The following RNF39 variants were observed in gnomAD, a reference collection of about 807,000 sequenced individuals.
The protein encoded by RNF39 is LTP (long-term potentiation) induced RING finger protein.
A neutral mutation model predicts 29.2 loss-of-function variants in RNF39; 25 were observed. That is an observed-to-expected ratio of 0.86 (90% confidence interval 0.62 to 1.20). RNF39 has a LOEUF of 1.20. Among genes scored for constraint, RNF39 ranks in the 50% most tolerant of loss-of-function variants. The pLI is 0.00. For synonymous variants in RNF39, 219 were observed against 229.0 expected (o/e 0.96, Z 0.40); for missense variants, 519 against 515.0 (o/e 1.01, Z -0.08).
chr6:30,071,431 C>T lies in RNF39; in HGVS notation c.739G>A (p.Ala247Thr). Residue 247 changes from alanine (A) to threonine (T), a missense_variant, in exon 4 of 4, where the codon GCG becomes ACG. Transcript: ENST00000244360. This position sits in a 1 kb window ranked among gnomAD's most constrained non-coding sequence, Gnocchi z 5.0. ...DDEESHYAVG[A>T]AGESVQRKGC... ...TTGCGTTGCACTGATTCCCCGGCCGCGCCCACTGCATAGTGGCTCTCCTCG... is the reference window on the plus strand; with the variant it reads ...TTGCGTTGCACTGATTCCCCGGCCGTGCCCACTGCATAGTGGCTCTCCTCG... The T allele has an allele frequency of 1.3e-6, 2 of 1,508,984 alleles. No individual in the cohort carries two copies. Among genetic ancestry groups the T allele is most frequent in the Non-Finnish European group, 8.8e-7 (1 of 1,138,394 alleles). The allele number at this position is 1,508,984 out of a possible 1,614,324, so 93.5% of individuals were successfully genotyped here.
chr6:30,073,876 C>A (rs1256157772), intron 1 of RNF39, among the ~76,000 whole-genome samples: 1 of 152,318 alleles, frequency 6.6e-6, no homozygotes, highest in South Asian at 2.1e-4. Context: ...TATCTACCTT[C>A]CCCAGTGCAT....
At position 30,075,442 on chromosome 6, in the gene RNF39, C is replaced by A; in HGVS notation, c.144G>T (p.Trp48Cys). ...SFCRACLARRWGTPPATGTEA... is the reference protein window; with the variant it reads ...SFCRACLARRCGTPPATGTEA... Reference sequence around the variant, plus strand: ...CGGTGCCGGTCGCCGGCGGAGTCCCCCAGCGGCGGGCCAGACACGCGCGGC... The same window carrying A: ...CGGTGCCGGTCGCCGGCGGAGTCCCACAGCGGCGGGCCAGACACGCGCGGC... The change falls in exon 1 of 4, where the codon TGG (tryptophan) becomes TGT (cysteine). Residue 48 changes from tryptophan (W) to cysteine (C), a missense_variant. Coordinates refer to ENST00000244360, the MANE Select transcript of RNF39 (RefSeq NM_025236.4). 1 of 1,553,780 alleles carries A rather than the reference C, an allele frequency of 6.4e-7. No homozygotes were observed. The highest frequency in any genetic ancestry group is 8.7e-7 in the Non-Finnish European group (1 of 1,152,164).
rs771108850 is a variant in RNF39, at chr6:30,071,384, A to C, written c.786T>G (p.Pro262=). 2 of 1,472,286 alleles carry C rather than the reference A, an allele frequency of 1.4e-6. No individual in the cohort carries two copies. Among genetic ancestry groups the C allele is most frequent in the African/African-American group, 2.9e-5 (2 of 68,308 alleles). 91.2% of individuals were successfully genotyped at this position (1,472,286 alleles called of 1,614,324 possible). A position where few individuals can be genotyped will look rare whatever the true frequency, so the allele number is the denominator to read the frequency against. ...VQRKGCVRLC[P]AGAVWAVEGR... ...CCTCCACGGCCCACACGGCCCCCGC[A>C]GGGCACAGCCTTACGCAGCCCTTGC... Residue 262 remains proline (P), a synonymous_variant, in exon 4 of 4, where the codon CCT becomes CCG. Transcript: ENST00000244360. The surrounding 1 kb of genome is among the most constrained non-coding windows in gnomAD (Gnocchi z 5.0).
In RNF39 at chr6:30,075,608, G is replaced by A. The variant is rs1766377586; in HGVS notation, c.-23C>T. The A allele has an allele frequency of 6.3e-7, 1 of 1,599,696 alleles. No individual in the cohort carries two copies. The highest frequency in any genetic ancestry group is 1.4e-5 in the African/African-American group (1 of 72,000). ...CATGGAAAGCCAGGATCTGGACGCC[G>A]CCCCTTCCGCGACCACCGTGACCGC... On this transcript the variant is annotated 5_prime_UTR_variant, in exon 1 of 4. Transcript: ENST00000244360.
chr6:30,075,576 G>A lies in RNF39; in HGVS notation c.10C>T (p.Pro4Ser), dbSNP rs780946687. 5 of 1,607,504 alleles carry A rather than the reference G, an allele frequency of 3.1e-6. No individual in the cohort carries two copies. The highest frequency in any genetic ancestry group is 3.3e-5 in the Admixed American group (2 of 59,892). The change falls in exon 1 of 4, where the codon CCC becomes TCC. Residue 4 changes from proline (P) to serine (S), a missense_variant. Pro to Ser is a moderately conservative substitution (Grantham distance 74). Transcript: ENST00000244360. The stretch of plus-strand genomic sequence containing the variant: ...TCCACCAGCCCCGGGCCCAGCTCGG[G>A]CGCATCCATGGAAAGCCAGGATCTG... MDA[P>S]ELGPGLVERL... is the part of the protein sequence containing the mutation.
At position 30,074,291 on chromosome 6, in the gene RNF39, C is replaced by T; in HGVS notation, c.364-813G>A. On this transcript the variant is annotated intron_variant, in intron 1 of 3. Coordinates refer to ENST00000244360, the MANE Select transcript of RNF39 (RefSeq NM_025236.4). The surrounding 1 kb of genome is among the most constrained non-coding windows in gnomAD (Gnocchi z 4.1). The stretch of plus-strand genomic sequence containing the variant: ...TTCAGACTAATTAGGTCTATGAAGA[C>T]TTCAAAGGGCAGAAGCAAGACCCAA... Among the ~76,000 whole-genome samples, 1 of 152,194 alleles carries T rather than the reference C, an allele frequency of 6.6e-6. No individual in the cohort carries two copies. The highest frequency in any genetic ancestry group is 1.9e-4 in the East Asian group (1 of 5,184).
In RNF39 at chr6:30,071,543, C is replaced by T. The variant is rs1765976058; in HGVS notation, c.627G>A (p.Gln209=). The T allele has an allele frequency of 6.6e-7, 1 of 1,521,810 alleles. No homozygotes were observed. The highest frequency in any genetic ancestry group is 2.1e-5 in the Admixed American group (1 of 48,456). 94.3% of individuals were successfully genotyped at this position (1,521,810 alleles called of 1,614,324 possible). A position where few individuals can be genotyped will look rare whatever the true frequency, so the allele number is the denominator to read the frequency against. The part of the protein sequence containing the change: ...FDQLPAVLGA[Q]GFGAGRHCWE... ...AGCAGTGGCGGCCGGCCCCGAAGCC[C>T]TGCGCACCCAGCACAGCTGGGAGCT... The change falls in exon 4 of 4, where the codon CAG becomes CAA. Residue 209 remains glutamine (Q), a synonymous_variant. Transcript: ENST00000244360. The surrounding 1 kb of genome is among the most constrained non-coding windows in gnomAD (Gnocchi z 5.0).
At position 30,071,174 on chromosome 6, in the gene RNF39, G is replaced by C; in HGVS notation, c.996C>G (p.Ile332Met). The C allele has an allele frequency of 1.3e-6, 2 of 1,526,412 alleles. No homozygotes were observed. The highest frequency in any genetic ancestry group is 1.4e-5 in the African/African-American group (1 of 72,304). 94.6% of individuals were successfully genotyped at this position (1,526,412 alleles called of 1,614,324 possible). ...GGTCGCAGGTGCAGAACAGCGGGAA[G>C]ATGCGCTCCCCCAGGGGGCCAGGCG... is the stretch of plus-strand genomic sequence containing the variant. Reference protein sequence around the residue: ...FQAPGPLGERIFPLFCTCDPR... With the variant: ...FQAPGPLGERMFPLFCTCDPR... The change falls in exon 4 of 4, where the codon ATC becomes ATG. Residue 332 changes from isoleucine to methionine, a missense_variant. Coordinates refer to ENST00000244360, the MANE Select transcript of RNF39 (RefSeq NM_025236.4). The surrounding 1 kb of genome is among the most constrained non-coding windows in gnomAD (Gnocchi z 5.0).
chr6:30,071,785 A>C lies in RNF39; in HGVS notation c.479-94T>G, dbSNP rs1315749335. 2.7e-6 allele frequency: 3 copies of C among 1,110,132 alleles called. No homozygotes were observed. Among genetic ancestry groups the C allele is most frequent in the Non-Finnish European group, 3.6e-6 (3 of 828,812 alleles). 68.8% of individuals were successfully genotyped at this position (1,110,132 alleles called of 1,614,324 possible). A position where few individuals can be genotyped will look rare whatever the true frequency, so the allele number is the denominator to read the frequency against. On this transcript the variant is annotated intron_variant, in intron 3 of 3. Transcript: ENST00000244360. This position sits in a 1 kb window ranked among gnomAD's most constrained non-coding sequence, Gnocchi z 5.0. ...AGAATAGTCAACGAAGATCACGTAA[A>C]AGACTGAGAGCTAGTGACCACACAA...
In RNF39 at chr6:30,071,521, A is replaced by C; in HGVS notation, c.649T>G (p.Cys217Gly). ...GCGTCCGCAGTCTCCACCTCCCAGC[A>C]GTGGCGGCCGGCCCCGAAGCCCTGC... ...GAQGFGAGRHCWEVETADAAS... is the reference protein window; with the variant it reads ...GAQGFGAGRHGWEVETADAAS... The change falls in exon 4 of 4, where the codon TGC (cysteine) becomes GGC (glycine). Residue 217 changes from cysteine (C) to glycine (G), a missense_variant. Coordinates refer to ENST00000244360, the MANE Select transcript of RNF39 (RefSeq NM_025236.4). The surrounding 1 kb of genome is among the most constrained non-coding windows in gnomAD (Gnocchi z 5.0). 1.3e-6 allele frequency: 2 copies of C among 1,534,860 alleles called. No homozygotes were observed. Among genetic ancestry groups the C allele is most frequent in the South Asian group, 2.4e-5 (2 of 83,248 alleles).
In RNF39 at chr6:30,075,598, T is replaced by C. The variant is rs1395970269; in HGVS notation, c.-13A>G. The C allele has an allele frequency of 6.8e-6, 11 of 1,608,540 alleles. No homozygotes were observed. Among genetic ancestry groups the C allele is most frequent in the Non-Finnish European group, 9.3e-6 (11 of 1,179,838 alleles). On this transcript the variant is annotated 5_prime_UTR_variant, in exon 1 of 4. Transcript: ENST00000244360. Reference sequence around the variant, plus strand: ...CGGGCGCATCCATGGAAAGCCAGGATCTGGACGCCGCCCCTTCCGCGACCA... The same window carrying C: ...CGGGCGCATCCATGGAAAGCCAGGACCTGGACGCCGCCCCTTCCGCGACCA...
In RNF39 at chr6:30,071,600, G is replaced by C; in HGVS notation, c.570C>G (p.Pro190=). 2.7e-6 allele frequency: 4 copies of C among 1,465,098 alleles called. No individual in the cohort carries two copies. The South Asian group carries it at 5.4e-5, about 20-fold the overall frequency. 90.8% of individuals were successfully genotyped at this position (1,465,098 alleles called of 1,614,324 possible). A position where few individuals can be genotyped will look rare whatever the true frequency, so the allele number is the denominator to read the frequency against. The part of the protein sequence containing the change: ...RSVQLAPPGT[P]APPDGPKRFD... ...AGCGCTTGGGGCCGTCAGGGGGCGCGGGCGTCCCTGGTGGGGCCAGTTGTA... is the reference window on the plus strand; with the variant it reads ...AGCGCTTGGGGCCGTCAGGGGGCGCCGGCGTCCCTGGTGGGGCCAGTTGTA... The change falls in exon 4 of 4, where the codon CCC becomes CCG. Residue 190 remains proline, a synonymous_variant. Transcript: ENST00000244360. The surrounding 1 kb of genome is among the most constrained non-coding windows in gnomAD (Gnocchi z 5.0).
Position 30,071,490 on chromosome 6 carries a change from G to A in RNF39, c.680C>T (p.Ser227Phe), listed in dbSNP as rs1291537691. The A allele has an allele frequency of 2.6e-6, 4 of 1,557,332 alleles. No individual in the cohort carries two copies. The highest frequency in any genetic ancestry group is 2.4e-5 in the East Asian group (1 of 41,336). Reference sequence around the variant, plus strand: ...ATCCTCCCCAGAAGAGTCTCTGCAGGAGGCGGCGTCCGCAGTCTCCACCTC... The same window carrying A: ...ATCCTCCCCAGAAGAGTCTCTGCAGAAGGCGGCGTCCGCAGTCTCCACCTC... Reference protein sequence around the residue: ...CWEVETADAASCRDSSGEDAD... With the variant: ...CWEVETADAAFCRDSSGEDAD... The change falls in exon 4 of 4, where the codon TCC becomes TTC. Residue 227 changes from serine to phenylalanine, a missense_variant. Transcript: ENST00000244360. The surrounding 1 kb of genome is among the most constrained non-coding windows in gnomAD (Gnocchi z 5.0).
In RNF39 at chr6:30,071,415, A is replaced by G; in HGVS notation, c.755T>C (p.Val252Ala). 1.3e-6 allele frequency: 2 copies of G among 1,498,606 alleles called. No individual in the cohort carries two copies. Among genetic ancestry groups the G allele is most frequent in the Non-Finnish European group, 1.8e-6 (2 of 1,132,956 alleles). 92.8% of individuals were successfully genotyped at this position (1,498,606 alleles called of 1,614,324 possible). A position where few individuals can be genotyped will look rare whatever the true frequency, so the allele number is the denominator to read the frequency against. ...CAGCCTTACGCAGCCCTTGCGTTGC[A>G]CTGATTCCCCGGCCGCGCCCACTGC... ...HYAVGAAGES[V>A]QRKGCVRLCP... Residue 252 changes from valine to alanine, a missense_variant, in exon 4 of 4, where the codon GTG becomes GCG. Physicochemically the swap from Val to Ala is moderately conservative, Grantham distance 64 (BLOSUM62 0). Coordinates refer to ENST00000244360, the MANE Select transcript of RNF39 (RefSeq NM_025236.4). The surrounding 1 kb of genome is among the most constrained non-coding windows in gnomAD (Gnocchi z 5.0).
Position 30,071,580 on chromosome 6 carries a change from T to C in RNF39, c.590A>G (p.Lys197Arg), listed in dbSNP as rs1259466938. 2 of 1,479,308 alleles carry C rather than the reference T, an allele frequency of 1.4e-6. No individual in the cohort carries two copies. The highest frequency in any genetic ancestry group is 2.6e-5 in the East Asian group (1 of 38,724). The allele number at this position is 1,479,308 out of a possible 1,614,324, so 91.6% of individuals were successfully genotyped here. A position where few individuals can be genotyped will look rare whatever the true frequency, so the allele number is the denominator to read the frequency against. Reference sequence around the variant, plus strand: ...CACAGCTGGGAGCTGATCGAAGCGCTTGGGGCCGTCAGGGGGCGCGGGCGT... The same window carrying C: ...CACAGCTGGGAGCTGATCGAAGCGCCTGGGGCCGTCAGGGGGCGCGGGCGT... Reference protein sequence around the residue: ...PGTPAPPDGPKRFDQLPAVLG... With the variant: ...PGTPAPPDGPRRFDQLPAVLG... The change falls in exon 4 of 4, where the codon AAG (lysine) becomes AGG (arginine). Residue 197 changes from lysine (K) to arginine (R), a missense_variant. Transcript: ENST00000244360. This position sits in a 1 kb window ranked among gnomAD's most constrained non-coding sequence, Gnocchi z 5.0.
intron 3 of RNF39, 134 bp downstream of exon 3, chr6:30,073,023 G>A (rs1157922868): frequency 6.1e-6 from 4 of 652,754 alleles, no homozygotes; most frequent in African/African-American, 1.8e-5. Context: ...CCTACTTTGC[G>A]GTGCTTCATT....
rs1003387282 is a variant in RNF39 at position 30,070,680 on chromosome 6, A to G, written c.*431T>C. 2 of 384,094 alleles carry G rather than the reference A, an allele frequency of 5.2e-6. No individual in the cohort carries two copies. The highest frequency in any genetic ancestry group is 3.3e-5 in the Admixed American group (1 of 30,606). 23.8% of individuals were successfully genotyped at this position (384,094 alleles called of 1,614,324 possible). The stretch of plus-strand genomic sequence containing the variant: ...CCTCAGTGGACAGGCAGGGTAGCCC[A>G]GTCCTTAGATCTGTGGGGAAGGCCC... On this transcript the variant is annotated 3_prime_UTR_variant, in exon 4 of 4. Transcript: ENST00000244360.
Position 30,075,354 on chromosome 6 carries a change from T to C in RNF39, c.232A>G (p.Asn78Asp). The C allele has an allele frequency of 6.3e-7, 1 of 1,591,448 alleles. No individual in the cohort carries two copies. The highest frequency in any genetic ancestry group is 8.5e-7 in the Non-Finnish European group (1 of 1,171,348). Residue 78 changes from asparagine (N) to aspartate (D), a missense_variant, in exon 1 of 4, where the codon AAT (asparagine) becomes GAT (aspartate). Transcript: ENST00000244360. ...LPCPRRSLRSNVRLAVEVRIS... is the reference protein window; with the variant it reads ...LPCPRRSLRSDVRLAVEVRIS... ...CGCACCTCCACCGCCAGCCGCACAT[T>C]AGACCTCAGGCTGCGGCGGGGACAC...
Position 30,070,723 on chromosome 6 carries a change from A to C in RNF39, c.*388T>G. On this transcript the variant is annotated 3_prime_UTR_variant, in exon 4 of 4. Transcript: ENST00000244360. The stretch of plus-strand genomic sequence containing the variant: ...GAAGGCCCTGAGCCCTTCTGGAGCT[A>C]GGAGTGGCAAGAGTGGGAGTCAAGT... 1 of 452,938 alleles carries C rather than the reference A, an allele frequency of 2.2e-6. No individual in the cohort carries two copies. The highest frequency in any genetic ancestry group is 4.4e-6 in the Non-Finnish European group (1 of 227,696). The allele number at this position is 452,938 out of a possible 1,614,324, so 28.1% of individuals were successfully genotyped here.
Sources: gnomAD v4.1 joint callset for allele counts (sites outside exome capture counted in the v4.1 genomes callset) on GRCh38, gnomAD v4.1.1 for gene constraint, Gnocchi (gnomAD v3.1) non-coding constraint, MANE v1.5 for transcripts, NCBI Gene and HGNC (gene_info 2026-07-23, HGNC 2026-07-21) for gene names.